KIF18B: variants seen among roughly 807,000 people sequenced by gnomAD.
KIF18B encodes kinesin family member 18B.
A neutral mutation model predicts 80.9 loss-of-function variants in KIF18B; 49 were observed. The ratio of observed to expected loss-of-function variants is 0.61; its 90% CI spans 0.48 to 0.77. The LOEUF is 0.77. KIF18B is among the 30% of genes least tolerant of loss of function. The pLI is 0.00. For synonymous variants in KIF18B, 439 were observed against 463.9 expected, an observed-to-expected ratio of 0.95 and a Z score of 0.69; for missense variants, 994 against 1,127.7, an observed-to-expected ratio of 0.88 and a Z score of 1.70.
rs747520725 is a variant in KIF18B at position 44,928,000 on chromosome 17, G to T, written c.2276+26C>A. The T allele has an allele frequency of 1.3e-6, 2 of 1,502,820 alleles. No homozygotes were observed. The highest frequency in any genetic ancestry group is 2.8e-5 in the African/African-American group (2 of 71,372). The allele number at this position is 1,502,820 out of a possible 1,614,324, so 93.1% of individuals were successfully genotyped here. ...GCTGACCACTGACCACTGACAGGAGGGGTGGAGCGAGACTGGGAGACCCAC... is the reference window on the plus strand; with the variant it reads ...GCTGACCACTGACCACTGACAGGAGTGGTGGAGCGAGACTGGGAGACCCAC... On this transcript the variant is annotated intron_variant, in intron 13 of 15. Coordinates refer to ENST00000593135, the MANE Select transcript of KIF18B (RefSeq NM_001265577.2). This position sits in a 1 kb window ranked among gnomAD's most constrained non-coding sequence, Gnocchi z 4.1.
rs138708727 is a variant in KIF18B, at chr17:44,938,749, A to C, written c.-14-2391T>G. Among the ~76,000 whole-genome samples, 904 of 152,352 alleles carry C rather than the reference A, an allele frequency of 5.9e-3. 11 individuals are homozygous for C. The highest frequency in any genetic ancestry group is 0.021 in the African/African-American group (859 of 41,588). On this transcript the variant is annotated intron_variant, in intron 1 of 15. Coordinates refer to ENST00000593135, the MANE Select transcript of KIF18B (RefSeq NM_001265577.2). ...ATTTAACATAACTAAAGTCTCATAG[A>C]AACATGAATTTGTGGCTGGGTGTGG... is the stretch of plus-strand genomic sequence containing the variant.
chr17:44,935,269 C>A lies in KIF18B; in HGVS notation c.461G>T (p.Ser154Ile). ...QQEKHFEVLI[S>I]YQEVYNEQIH... Reference sequence around the variant, plus strand: ...GCAGGGGCAGCCGACCTCCTGGTAGCTGATGAGCACCTCGAAGTGCTTCTC... The same window carrying A: ...GCAGGGGCAGCCGACCTCCTGGTAGATGATGAGCACCTCGAAGTGCTTCTC... The change falls in exon 3 of 16, where the codon AGC (serine) becomes ATC (isoleucine). Residue 154 changes from serine to isoleucine, a missense_variant. Coordinates refer to ENST00000593135, the MANE Select transcript of KIF18B (RefSeq NM_001265577.2). The A allele has an allele frequency of 1.2e-6, 2 of 1,605,800 alleles. No homozygotes were observed. Among genetic ancestry groups the A allele is most frequent in the Admixed American group, 1.7e-5 (1 of 59,304 alleles).
chr17:44,935,919 T>C (rs905496130), intron 2 of KIF18B, 113 bp downstream of exon 2: 1 of 897,260 alleles, frequency 1.1e-6, no homozygotes, highest in African/African-American at 1.7e-5. Context: ...AACTCCTTAG[T>C]AAATCGTGCC....
chr17:44,930,022 G>A (rs1354174741), intron 11 of KIF18B, among the ~76,000 whole-genome samples: 2 of 152,200 alleles, frequency 1.3e-5, no homozygotes, highest in African/African-American at 4.8e-5. Flanking sequence ...AGTTCTACTG[G>A]CCTGGACATC....
In KIF18B at chr17:44,934,676, A is replaced by T. The variant is rs770360155; in HGVS notation, c.577-59T>A. On this transcript the variant is annotated intron_variant, in intron 4 of 15. Transcript: ENST00000593135. This position sits in a 1 kb window ranked among gnomAD's most constrained non-coding sequence, Gnocchi z 5.4. Reference sequence around the variant, plus strand: ...GTTCCCGGATCAGGACTTTTCCCCTAACAGGAAGGGCTGCTCTTCAGAATC... The same window carrying T: ...GTTCCCGGATCAGGACTTTTCCCCTTACAGGAAGGGCTGCTCTTCAGAATC... 9.9e-6 allele frequency: 14 copies of T among 1,416,912 alleles called. No individual in the cohort carries two copies. In the Admixed American group the frequency reaches 3.2e-4, roughly 32 times the overall value. 87.8% of individuals were successfully genotyped at this position (1,416,912 alleles called of 1,614,324 possible). A position where few individuals can be genotyped will look rare whatever the true frequency, so the allele number is the denominator to read the frequency against.
chr17:44,946,120 T>A (rs1288862269), intron 1 of KIF18B, among the ~76,000 whole-genome samples: 1 of 152,138 alleles, frequency 6.6e-6, no homozygotes, highest in Admixed American at 6.6e-5. Context: ...GTAAAAAGAT[T>A]ATGTTTTATA....
intron 8 of KIF18B, 47 bp downstream of exon 8, chr17:44,932,865 C>T (rs1304459937): frequency 1.9e-6 from 3 of 1,585,456 alleles, no homozygotes; most frequent in Non-Finnish European, 2.6e-6. Flanking sequence ...CAAGCTCCTG[C>T]CTCTGGCTGT....
chr17:44,925,981 AGGTCCAGCTCCT>A lies in KIF18B; in HGVS notation c.*87_*98del, dbSNP rs1303887693. ...CTAATTGCTCCCAGGTAAGGAAGGC[AGGTCCAGCTCCT>A]GGTGCAGGTGGCTACAGGTCCAAGA... On this transcript the variant is annotated 3_prime_UTR_variant, in exon 16 of 16. Coordinates refer to ENST00000593135, the MANE Select transcript of KIF18B (RefSeq NM_001265577.2). The A allele has an allele frequency of 1.7e-5, 22 of 1,271,862 alleles. No homozygotes were observed. Among genetic ancestry groups the A allele is most frequent in the Non-Finnish European group, 3.4e-6 (3 of 882,548 alleles). The allele number at this position is 1,271,862 out of a possible 1,614,324, so 78.8% of individuals were successfully genotyped here.
Position 44,933,998 on chromosome 17 carries a change from G to C in KIF18B, c.987C>G (p.Ser329Arg). 6.2e-7 allele frequency: 1 copy of C among 1,608,394 alleles called. No homozygotes were observed. Among genetic ancestry groups the C allele is most frequent in the South Asian group, 1.1e-5 (1 of 89,864 alleles). ...NCRTVMIAAISPSSLTYEDTY... is the reference protein window; with the variant it reads ...NCRTVMIAAIRPSSLTYEDTY... ...TGTCCTCGTAGGTCAGGCTGGAGGG[G>C]CTGATGGCAGCGATCATCACTGTGC... Residue 329 changes from serine (S) to arginine (R), a missense_variant, in exon 7 of 16, where the codon AGC (serine) becomes AGG (arginine). Physicochemically the swap from Ser to Arg is moderately radical, Grantham distance 110. Transcript: ENST00000593135.
In KIF18B at chr17:44,926,165, C is replaced by T. The variant is rs2052020689; in HGVS notation, c.2474G>A (p.Cys825Tyr). Reference sequence around the variant, plus strand: ...CTTTCCATTCCTCCGGTTGCTAGGGCACAGGGGACTCAAGGGCAGCTCTGC... The same window carrying T: ...CTTTCCATTCCTCCGGTTGCTAGGGTACAGGGGACTCAAGGGCAGCTCTGC... The part of the protein sequence containing the change: ...VLPELPLSPL[C>Y]PSNRRNGKDL... The change falls in exon 16 of 16, where the codon TGC (cysteine) becomes TAC (tyrosine). Residue 825 changes from cysteine to tyrosine, a missense_variant. Physicochemically the swap from Cys to Tyr is radical, Grantham distance 194. Coordinates refer to ENST00000593135, the MANE Select transcript of KIF18B (RefSeq NM_001265577.2). 1 of 1,613,890 alleles carries T rather than the reference C, an allele frequency of 6.2e-7. No individual in the cohort carries two copies. Among genetic ancestry groups the T allele is most frequent in the South Asian group, 1.1e-5 (1 of 91,082 alleles).
chr17:44,942,048 G>C (rs1275333554), intron 1 of KIF18B, among the ~76,000 whole-genome samples: 1 of 152,112 alleles, frequency 6.6e-6, no homozygotes, highest in Admixed American at 6.5e-5. Flanking sequence ...CTGACCAAGG[G>C]GGAGGTCTTT....
intron 3 of KIF18B, 43 bp downstream of exon 3, chr17:44,935,216 C>T: frequency 6.5e-7 from 1 of 1,538,410 alleles, no homozygotes; most frequent in Non-Finnish European, 8.8e-7. Flanking sequence ...TCACTTCCCC[C>T]CGGGTGGTTG....
chr17:44,935,218 GGGT>G, intron 3 of KIF18B, 38 bp downstream of exon 3: 1 of 1,541,284 alleles, frequency 6.5e-7, no homozygotes, highest in Non-Finnish European at 8.8e-7. Flanking sequence ...ACTTCCCCCC[GGGT>G]GGTTGTGAGA....
At chr17:44,939,826 T>C (rs78763692) in intron 1 of KIF18B, among the ~76,000 whole-genome samples, 4 of 152,184 alleles carry the variant, frequency 2.6e-5, no homozygotes, top group Non-Finnish European at 5.9e-5. Context: ...TATTTTTATT[T>C]TTTTTTTAGA....
Position 44,934,863 on chromosome 17 carries a change from C to A in KIF18B, c.544G>T (p.Gly182Trp). The A allele has an allele frequency of 3.9e-6, 6 of 1,550,772 alleles. No homozygotes were observed. Among genetic ancestry groups the A allele is most frequent in the Non-Finnish European group, 5.2e-6 (6 of 1,146,114 alleles). The part of the protein sequence containing the change: ...PLAIREDPDK[G>W]VVVQGLSFHQ... ...AAAGAAAGTCCTTGCACCACCACCC[C>A]CTTGTCGGGGTCCTCGCGGATGGCA... Residue 182 changes from glycine (G) to tryptophan (W), a missense_variant, in exon 4 of 16, where the codon GGG becomes TGG. Transcript: ENST00000593135. This position sits in a 1 kb window ranked among gnomAD's most constrained non-coding sequence, Gnocchi z 5.4.
chr17:44,928,612 G>A (rs1422575277), intron 12 of KIF18B, 34 bp from the exon 13 acceptor site: 5 of 1,443,410 alleles, frequency 3.5e-6, no homozygotes, highest in Non-Finnish European at 4.5e-6. Flanking sequence ...GTAGAACTTG[G>A]GGAGCCAGAC....
At chr17:44,933,797 G>A in intron 7 of KIF18B, 126 bp downstream of exon 7, 1 of 949,856 alleles carries the variant, frequency 1.1e-6, no homozygotes, top group East Asian at 2.7e-5. Flanking sequence ...CCAGGCCAGA[G>A]GAACTTCCTT....
Position 44,934,988 on chromosome 17 carries a change from C to G in KIF18B, c.472-53G>C, listed in dbSNP as rs1362631693. The G allele has an allele frequency of 4.6e-6, 6 of 1,298,232 alleles. No homozygotes were observed. Among genetic ancestry groups the G allele is most frequent in the South Asian group, 1.3e-5 (1 of 74,294 alleles). The allele number at this position is 1,298,232 out of a possible 1,614,324, so 80.4% of individuals were successfully genotyped here. A position where few individuals can be genotyped will look rare whatever the true frequency, so the allele number is the denominator to read the frequency against. ...GAGGGAGAGCGGCCCATCAGGAAACCTCTCCCTAGCGGCTGGACAGGGGAG... is the reference window on the plus strand; with the variant it reads ...GAGGGAGAGCGGCCCATCAGGAAACGTCTCCCTAGCGGCTGGACAGGGGAG... On this transcript the variant is annotated intron_variant, in intron 3 of 15. Transcript: ENST00000593135. The surrounding 1 kb of genome is among the most constrained non-coding windows in gnomAD (Gnocchi z 5.4).
intron 1 of KIF18B, among the ~76,000 whole-genome samples, chr17:44,938,504 A>C (rs76379415): frequency 0.011 from 1,692 of 152,326 alleles, 16 homozygotes; most frequent in Non-Finnish European, 0.018. Flanking sequence ...GTCATACTTA[A>C]GAAGACATTT....
Sources: gnomAD v4.1 joint callset for allele counts (sites outside exome capture counted in the v4.1 genomes callset) on GRCh38, gnomAD v4.1.1 for gene constraint, Gnocchi (gnomAD v3.1) non-coding constraint, MANE v1.5 for transcripts, NCBI Gene and HGNC (gene_info 2026-07-23, HGNC 2026-07-21) for gene names.